Variants in GRIK1 observed in about 807,000 individuals in gnomAD.
GRIK1 encodes glutamate receptor ionotropic, kainate 1.
GRIK1 carries 69 observed loss-of-function variants against 105.7 expected under a neutral mutation model. The ratio of observed to expected loss-of-function variants is 0.65; its 90% confidence interval spans 0.54 to 0.80. The LOEUF is 0.80. Among genes scored for constraint, GRIK1 ranks in the 30% least tolerant of loss-of-function variants. The pLI is 0.00. For synonymous variants in GRIK1, 438 were observed against 431.3 expected (o/e 1.02, Z -0.19); for missense variants, 1,109 against 1,167.3 (o/e 0.95, Z 0.73).
At chr21:29,619,338 G>A (rs1026882224) in intron 7 of GRIK1, among the ~76,000 whole-genome samples, 11 of 151,702 alleles carry the variant, frequency 7.3e-5, no homozygotes, top group Non-Finnish European at 1.5e-4. Context: ...TCAGGAGGCT[G>A]AGGCAGGAGA....
rs568587793 is a variant in GRIK1, at chr21:29,574,277, T to C, written c.2130+2687A>G. ...GTGTACAGTGGCAAAGTCAGGTCTA[T>C]TGCTTTTTCAAAGAACGGCACAGCC... On this transcript the variant is annotated intron_variant, in intron 14 of 17. Transcript: ENST00000327783. 3.9e-5 allele frequency among the ~76,000 whole-genome samples: 6 copies of C among 152,296 alleles called. No homozygotes were observed. In the East Asian group the frequency reaches 1.2e-3, roughly 29 times the overall value.
chr21:29,742,589 A>T (rs1459313610), intron 1 of GRIK1, among the ~76,000 whole-genome samples: 1 of 152,252 alleles, frequency 6.6e-6, no homozygotes, highest in Admixed American at 6.5e-5. Context: ...GGTTTCATGG[A>T]TGAATTTCTT....
chr21:29,933,223 A>G (rs554365370), intron 1 of GRIK1, among the ~76,000 whole-genome samples: 52 of 152,188 alleles, frequency 3.4e-4, no homozygotes, highest in Non-Finnish European at 6.2e-4. Flanking sequence ...GTAATCTTAA[A>G]CCTTTAAGAA....
intron 1 of GRIK1, among the ~76,000 whole-genome samples, chr21:29,737,763 T>C (rs1440858557): frequency 1.3e-5 from 2 of 152,212 alleles, no homozygotes; most frequent in African/African-American, 4.8e-5. Context: ...TTTTCTACCC[T>C]CCACTCTGGA....
chr21:29,581,904 C>T (rs758706529), intron 12 of GRIK1, among the ~76,000 whole-genome samples: 3 of 152,054 alleles, frequency 2.0e-5, no homozygotes, highest in African/African-American at 4.8e-5. Context: ...CAAGTAGCGA[C>T]GAATGTGACA....
chr21:29,854,786 G>A (rs1300079402), intron 1 of GRIK1, among the ~76,000 whole-genome samples: 2 of 152,094 alleles, frequency 1.3e-5, no homozygotes, highest in African/African-American at 2.4e-5. Context: ...CAAGGCCCAG[G>A]CTTCTGATCA....
At chr21:29,817,809 A>C (rs2145914766) in intron 1 of GRIK1, among the ~76,000 whole-genome samples, 1 of 152,282 alleles carries the variant, frequency 6.6e-6, no homozygotes, top group African/African-American at 2.4e-5. Flanking sequence ...AAGTTGAATA[A>C]TAAATACAGA....
rs377662254 is a variant in GRIK1 at position 29,608,983 on chromosome 21, G to A, written c.1099-10046C>T. 5.9e-5 allele frequency among the ~76,000 whole-genome samples: 9 copies of A among 152,064 alleles called. No individual in the cohort carries two copies. In the South Asian group the frequency reaches 1.5e-3, roughly 25 times the overall value. On this transcript the variant is annotated intron_variant, in intron 7 of 17. Coordinates refer to ENST00000327783, the MANE Select transcript of GRIK1 (RefSeq NM_001330994.2). ...GACAAGTAGGATTAAGTGAACTGCTGAGGGGAATCTAATTGTGGTTATATG... is the reference window on the plus strand; with the variant it reads ...GACAAGTAGGATTAAGTGAACTGCTAAGGGGAATCTAATTGTGGTTATATG...
At chr21:29,751,439 TC>T (rs1376282450) in intron 1 of GRIK1, among the ~76,000 whole-genome samples, 1 of 152,146 alleles carries the variant, frequency 6.6e-6, no homozygotes. Context: ...CAGATCACCT[TC>T]CTTTAGCTGC....
chr21:29,748,694 T>C (rs1472819319), intron 1 of GRIK1: 1 of 152,238 alleles, frequency 6.6e-6, no homozygotes, highest in Non-Finnish European at 1.5e-5. Flanking sequence ...CCTACCAAGA[T>C]AGTTATTACA....
intron 1 of GRIK1, among the ~76,000 whole-genome samples, chr21:29,745,368 A>G (rs931370329): frequency 2.0e-5 from 3 of 152,252 alleles, no homozygotes; most frequent in African/African-American, 7.2e-5. Flanking sequence ...ACCTCAAGAA[A>G]GAGGGCTCAG....
intron 7 of GRIK1, among the ~76,000 whole-genome samples, chr21:29,630,972 T>C (rs1281268412): frequency 2.6e-5 from 4 of 151,936 alleles, no homozygotes; most frequent in African/African-American, 9.7e-5. Flanking sequence ...TTTTTTTTGT[T>C]TGTTTTTTTA....
At chr21:29,570,416 C>A (rs377195474) in intron 14 of GRIK1, among the ~76,000 whole-genome samples, 2 of 151,744 alleles carry the variant, frequency 1.3e-5, no homozygotes, top group East Asian at 1.9e-4. Context: ...GCAGGAGAAT[C>A]ATTTGAACCT....
At chr21:29,727,670 T>C (rs2064503905) in intron 1 of GRIK1, among the ~76,000 whole-genome samples, 1 of 152,200 alleles carries the variant, frequency 6.6e-6, no homozygotes, top group Non-Finnish European at 1.5e-5. Context: ...TGTCCGGAAC[T>C]GTCCATGTAG....
At chr21:29,614,515 G>A (rs1169142895) in intron 7 of GRIK1, among the ~76,000 whole-genome samples, 2 of 145,858 alleles carry the variant, frequency 1.4e-5, no homozygotes, top group Admixed American at 1.4e-4. Flanking sequence ...CCGGGTTCAA[G>A]CGATTCTCTG....
At chr21:29,633,293 G>A (rs1173955324) in intron 7 of GRIK1, among the ~76,000 whole-genome samples, 3 of 152,148 alleles carry the variant, frequency 2.0e-5, no homozygotes, top group African/African-American at 7.2e-5. Flanking sequence ...GAAGTCAAGA[G>A]CTGGAGATTA....
chr21:29,563,655 A>G (rs1488428135), intron 14 of GRIK1, among the ~76,000 whole-genome samples: 1 of 152,232 alleles, frequency 6.6e-6, no homozygotes, highest in African/African-American at 2.4e-5. Context: ...ACAAGCGCAG[A>G]AAGGTCAGTC....
At chr21:29,937,977 T>C (rs2071831000) in intron 1 of GRIK1, among the ~76,000 whole-genome samples, 2 of 152,194 alleles carry the variant, frequency 1.3e-5, no homozygotes, top group South Asian at 2.1e-4. Flanking sequence ...CAATGCACAT[T>C]AAAATTACCC....
At chr21:29,804,391 C>A (rs1050990637) in intron 1 of GRIK1, among the ~76,000 whole-genome samples, 2 of 151,954 alleles carry the variant, frequency 1.3e-5, no homozygotes, top group African/African-American at 4.8e-5. Flanking sequence ...GATTTGTGTG[C>A]TTGAAAGAGA....
Sources: gnomAD v4.1 joint callset for allele counts (sites outside exome capture counted in the v4.1 genomes callset) on GRCh38, gnomAD v4.1.1 for gene constraint, MANE v1.5 for transcripts, NCBI Gene and HGNC (gene_info 2026-07-23, HGNC 2026-07-21) for gene names.